Variants in ATP10D observed in about 807,000 individuals in gnomAD.
ATP10D encodes phospholipid-transporting ATPase VD.
In ATP10D, 89 loss-of-function variants were observed where a neutral mutation model predicts 144.8. The ratio of observed to expected loss-of-function variants is 0.61; its 90% CI spans 0.52 to 0.73. ATP10D has a LOEUF of 0.73. ATP10D is among the 30% of genes least tolerant of loss of function. The probability of loss-of-function intolerance (pLI) is 0.00; values close to 1 mark genes in which losing one functional copy is unlikely to be tolerated. For synonymous variants in ATP10D, 571 were observed against 615.1 expected (o/e 0.93, Z 1.06); for missense variants, 1,603 against 1,714.8 (o/e 0.93, Z 1.15).
chr4:47,494,533 A>G (rs1715255351), intron 1 of ATP10D, among the ~76,000 whole-genome samples: 1 of 102,368 alleles, frequency 9.8e-6, no homozygotes, highest in African/African-American at 3.4e-5. Flanking sequence ...TTATTGCTGG[A>G]AATTCTATAT....
At chr4:47,563,918 A>C (rs914471841) in intron 15 of ATP10D, among the ~76,000 whole-genome samples, 153 bp downstream of exon 15, 3 of 151,894 alleles carry the variant, frequency 2.0e-5, no homozygotes, top group Non-Finnish European at 4.4e-5. Context: ...TTTGAGACGG[A>C]ATCTTGCTCT....
intron 1 of ATP10D, among the ~76,000 whole-genome samples, chr4:47,494,393 G>A (rs1715242804): frequency 6.6e-6 from 1 of 151,992 alleles, no homozygotes; most frequent in Non-Finnish European, 1.5e-5. Context: ...GACCATTAAA[G>A]TTGTAACTAA....
At chr4:47,523,694 C>T (rs1279852007) in intron 4 of ATP10D, among the ~76,000 whole-genome samples, 1 of 152,126 alleles carries the variant, frequency 6.6e-6, no homozygotes. Context: ...TACTGTGAGA[C>T]TTTGGACAAG....
rs551572438 is a variant in ATP10D at position 47,498,132 on chromosome 4, C to A, written c.-38+12613C>A. 5.5e-4 allele frequency among the ~76,000 whole-genome samples: 84 copies of A among 152,262 alleles called. 1 individual carries two copies. Among genetic ancestry groups the A allele is most frequent in the African/African-American group, 1.8e-3 (75 of 41,548 alleles). The stretch of plus-strand genomic sequence containing the variant: ...GGAAAACTGAGGGTCATAAGAAGTC[C>A]CACTAGGGCTGAGTGGGAGAGCCAG... On this transcript the variant is annotated intron_variant, in intron 1 of 22. Transcript: ENST00000273859.
chr4:47,558,316 C>T (rs373444537), intron 12 of ATP10D, 43 bp downstream of exon 12: 26 of 1,582,270 alleles, frequency 1.6e-5, no homozygotes, highest in South Asian at 9.2e-5. Context: ...TTGAAAAGCT[C>T]GGAGATTAAA....
intron 1 of ATP10D, among the ~76,000 whole-genome samples, chr4:47,498,154 C>T (rs1279078059): frequency 1.3e-5 from 2 of 152,156 alleles, no homozygotes; most frequent in Non-Finnish European, 2.9e-5. Flanking sequence ...AGTGGGAGAG[C>T]CAGAATTTGA....
At position 47,535,563 on chromosome 4, in the gene ATP10D, A is replaced by G. The variant is rs755494674; in HGVS notation, c.831A>G (p.Arg277=). The G allele has an allele frequency of 8.1e-6, 13 of 1,613,244 alleles. No homozygotes were observed. Among genetic ancestry groups the G allele is most frequent in the Non-Finnish European group, 1.1e-5 (13 of 1,179,480 alleles). The change falls in exon 6 of 23, where the codon AGA becomes AGG. Residue 277 remains arginine (R), a synonymous_variant. Transcript: ENST00000273859. ...TCAGTAAAGAAAATTTGTTGCTTAG[A>G]GGATGCACCATTAGAAACACAGAGG... The part of the protein sequence containing the change: ...VGLSKENLLL[R]GCTIRNTEAV...
intron 19 of ATP10D, among the ~76,000 whole-genome samples, chr4:47,578,098 G>T (rs1477738239): frequency 2.0e-5 from 3 of 152,186 alleles, no homozygotes; most frequent in Non-Finnish European, 2.9e-5. Flanking sequence ...TGTACACGCT[G>T]TTCTAGTGAG....
Position 47,580,412 on chromosome 4 carries a change from T to A in ATP10D, c.3582T>A (p.His1194Gln), listed in dbSNP as rs1322625448. Reference protein sequence around the residue: ...SGQKSEAYLPHTFWITLLDAF... With the variant: ...SGQKSEAYLPQTFWITLLDAF... Reference sequence around the variant, plus strand: ...TTCATTTCTAGGCATACTTACCCCATACCTTCTGGATCACCTTATTGGATG... The same window carrying A: ...TTCATTTCTAGGCATACTTACCCCAAACCTTCTGGATCACCTTATTGGATG... The change falls in exon 20 of 23, where the codon CAT (histidine) becomes CAA (glutamine). Residue 1194 changes from histidine (H) to glutamine (Q), a missense_variant. His to Gln is a conservative substitution (Grantham distance 24, BLOSUM62 0). Transcript: ENST00000273859. 1.2e-6 allele frequency: 2 copies of A among 1,613,446 alleles called. No homozygotes were observed. The highest frequency in any genetic ancestry group is 1.7e-6 in the Non-Finnish European group (2 of 1,179,460).
intron 1 of ATP10D, among the ~76,000 whole-genome samples, chr4:47,496,523 G>A (rs1715384913): frequency 6.6e-6 from 1 of 152,090 alleles, no homozygotes; most frequent in African/African-American, 2.4e-5. Context: ...CATTTTTAGA[G>A]CATATTATCC....
intron 10 of ATP10D, among the ~76,000 whole-genome samples, chr4:47,548,854 AT>A (rs1560438617): frequency 6.6e-6 from 1 of 152,132 alleles, no homozygotes; most frequent in Non-Finnish European, 1.5e-5. Flanking sequence ...AGAAAACTAC[AT>A]AATATTTGAT....
Position 47,512,715 on chromosome 4 carries a change from C to A in ATP10D, c.175C>A (p.Pro59Thr). 1.2e-6 allele frequency: 2 copies of A among 1,614,188 alleles called. No homozygotes were observed. Among genetic ancestry groups the A allele is most frequent in the South Asian group, 2.2e-5 (2 of 91,090 alleles). Residue 59 changes from proline (P) to threonine (T), a missense_variant, in exon 2 of 23, where the codon CCC becomes ACC. Pro to Thr is a conservative substitution (Grantham distance 38). Transcript: ENST00000273859. ...CCGGATTGTTGTTCCCCACATCCAG[C>A]CCTTCAAGGATGAGTATGAGAAGTT... The part of the protein sequence containing the change: ...RHRIVVPHIQ[P>T]FKDEYEKFSG...
At chr4:47,521,888 G>A (rs1716961577) in intron 3 of ATP10D, among the ~76,000 whole-genome samples, 1 of 152,112 alleles carries the variant, frequency 6.6e-6, no homozygotes, top group African/African-American at 2.4e-5. Flanking sequence ...TGTGCATTTG[G>A]TATGTCCTGA....
intron 18 of ATP10D, among the ~76,000 whole-genome samples, chr4:47,574,311 C>G (rs1720113435): frequency 6.6e-6 from 1 of 152,202 alleles, no homozygotes; most frequent in Non-Finnish European, 1.5e-5. Context: ...TCTTCCTGCT[C>G]TATAATCCTT....
rs1247467761 is a variant in ATP10D, at chr4:47,563,747, C to T, written c.2835C>T (p.Ile945=). 3 of 1,607,396 alleles carry T rather than the reference C, an allele frequency of 1.9e-6. No individual in the cohort carries two copies. Among genetic ancestry groups the T allele is most frequent in the South Asian group, 2.2e-5 (2 of 89,948 alleles). Residue 945 remains isoleucine, a synonymous_variant, in exon 15 of 23, where the codon ATC becomes ATT. Coordinates refer to ENST00000273859, the MANE Select transcript of ATP10D (RefSeq NM_020453.4). The part of the protein sequence containing the change: ...KLLEPDDKLF[I]LNTQSKDACG... ...TGGAGCCAGATGACAAGCTTTTTAT[C>T]CTCAATACCCAAAGTAAAGTGCGTA...
chr4:47,487,218 A>G lies in ATP10D; in HGVS notation c.-38+1699A>G, dbSNP rs557233380. Reference sequence around the variant, plus strand: ...CACTCCAGCCTGGGCAACAAGAGCAAAACTCCGTCCCCCAAAAAAAAAAAA... The same window carrying G: ...CACTCCAGCCTGGGCAACAAGAGCAGAACTCCGTCCCCCAAAAAAAAAAAA... On this transcript the variant is annotated intron_variant, in intron 1 of 22. Coordinates refer to ENST00000273859, the MANE Select transcript of ATP10D (RefSeq NM_020453.4). 7.9e-5 allele frequency among the ~76,000 whole-genome samples: 10 copies of G among 126,824 alleles called. No homozygotes were observed. The South Asian group carries it at 3.1e-3, about 39-fold the overall frequency. The allele number at this position is 126,824 out of a possible 152,430, so 83.2% of individuals were successfully genotyped here. A position where few individuals can be genotyped will look rare whatever the true frequency, so the allele number is the denominator to read the frequency against.
rs146704245 is a variant in ATP10D at position 47,503,471 on chromosome 4, G to C, written c.-37-9033G>C. Among the ~76,000 whole-genome samples the C allele has an allele frequency of 4.4e-4, 67 of 152,050 alleles. No homozygotes were observed. In the East Asian group the frequency reaches 8.7e-3, roughly 20 times the overall value. On this transcript the variant is annotated intron_variant, in intron 1 of 22. Transcript: ENST00000273859. ...GTACAGTTGACCTTTTTCCATTTAG[G>C]GTCCTTAAAAATGACAAAACTATTA...
At chr4:47,553,063 A>G (rs1718802816) in intron 10 of ATP10D, among the ~76,000 whole-genome samples, 1 of 152,252 alleles carries the variant, frequency 6.6e-6, no homozygotes, top group Admixed American at 6.5e-5. Flanking sequence ...GGAATCTCAT[A>G]AGCACTAGAC....
chr4:47,574,950 G>A (rs182804345), intron 18 of ATP10D, among the ~76,000 whole-genome samples: 15 of 152,114 alleles, frequency 9.9e-5, no homozygotes, highest in East Asian at 1.9e-4. Context: ...AAAGGCACGC[G>A]CCACCATACT....
Sources: gnomAD v4.1 joint callset for allele counts (sites outside exome capture counted in the v4.1 genomes callset) on GRCh38, gnomAD v4.1.1 for gene constraint, MANE v1.5 for transcripts, NCBI Gene and HGNC (gene_info 2026-07-23, HGNC 2026-07-21) for gene names.